The following AGBL4 variants were observed in gnomAD, a reference collection of about 807,000 sequenced individuals.
The protein encoded by AGBL4 is cytosolic carboxypeptidase 6.
In AGBL4, 58 loss-of-function variants were observed where a neutral mutation model predicts 66.4. The observed-to-expected ratio is 0.87, with a 90% confidence interval of 0.71 to 1.09. AGBL4 has a LOEUF of 1.09. AGBL4 is among the 50% of genes least tolerant of loss of function. The probability of loss-of-function intolerance (pLI) is 0.00; values close to 1 mark genes in which losing one functional copy is unlikely to be tolerated. For synonymous variants in AGBL4, 234 were observed against 222.9 expected, an observed-to-expected ratio of 1.05 and a Z score of -0.44; for missense variants, 579 against 631.0, an observed-to-expected ratio of 0.92 and a Z score of 0.88.
At chr1:49,656,753 A>C (rs1312517655) in intron 3 of AGBL4, among the ~76,000 whole-genome samples, 1 of 152,144 alleles carries the variant, frequency 6.6e-6, no homozygotes, top group African/African-American at 2.4e-5. Flanking sequence ...CAAAGACAAA[A>C]ACCACACGAT....
At chr1:49,189,162 C>A (rs1468117755) in intron 4 of AGBL4, among the ~76,000 whole-genome samples, 2 of 152,142 alleles carry the variant, frequency 1.3e-5, no homozygotes, top group Non-Finnish European at 2.9e-5. Flanking sequence ...CATTTGAGGG[C>A]AGTATGGAAT....
intron 2 of AGBL4, among the ~76,000 whole-genome samples, chr1:49,788,830 T>C (rs1417531579): frequency 4.6e-5 from 7 of 152,142 alleles, no homozygotes; most frequent in African/African-American, 2.4e-5. Context: ...AAAAAGAATA[T>C]TTTACGAAAT....
At chr1:48,823,420 C>CTTT (rs1646358082) in intron 6 of AGBL4, among the ~76,000 whole-genome samples, 1 of 152,220 alleles carries the variant, frequency 6.6e-6, no homozygotes. Flanking sequence ...TCAGCTGGGG[C>CTTT]AGACTGAGTA....
chr1:48,927,257 C>A (rs1654657881), intron 5 of AGBL4, among the ~76,000 whole-genome samples: 1 of 152,018 alleles, frequency 6.6e-6, no homozygotes, highest in African/African-American at 2.4e-5. Context: ...GCTGGGGAGG[C>A]CTCACAATCA....
At chr1:49,654,689 G>T (rs1452321261) in intron 3 of AGBL4, among the ~76,000 whole-genome samples, 1 of 152,048 alleles carries the variant, frequency 6.6e-6, no homozygotes, top group Non-Finnish European at 1.5e-5. Context: ...GGCCTTCTTT[G>T]TCTCTCTTGA....
chr1:49,193,597 T>C (rs1358814165), intron 4 of AGBL4, among the ~76,000 whole-genome samples: 1 of 151,814 alleles, frequency 6.6e-6, no homozygotes. Flanking sequence ...GCGTTATCTC[T>C]GCTCACTGCA....
intron 6 of AGBL4, among the ~76,000 whole-genome samples, chr1:48,836,413 T>C (rs1302721654): frequency 6.6e-6 from 1 of 152,124 alleles, no homozygotes; most frequent in Admixed American, 6.6e-5. Context: ...AAAGCTTTTC[T>C]TCTTTATACT....
intron 1 of AGBL4, among the ~76,000 whole-genome samples, chr1:50,005,566 A>G (rs1284730322): frequency 1.3e-5 from 2 of 152,208 alleles, no homozygotes; most frequent in Non-Finnish European, 2.9e-5. Context: ...AAAGACTACA[A>G]TAAATACCTA....
At chr1:49,324,057 A>C (rs959313803) in intron 3 of AGBL4, among the ~76,000 whole-genome samples, 2 of 152,242 alleles carry the variant, frequency 1.3e-5, no homozygotes, top group African/African-American at 4.8e-5. Flanking sequence ...ATGCTAGCTA[A>C]ACAAATTAAC....
chr1:49,577,712 A>G (rs1056128434), intron 3 of AGBL4, among the ~76,000 whole-genome samples: 1 of 152,242 alleles, frequency 6.6e-6, no homozygotes, highest in African/African-American at 2.4e-5. Context: ...GAGTGGCAGT[A>G]GGCTCAGGCT....
intron 2 of AGBL4, among the ~76,000 whole-genome samples, chr1:49,843,065 G>C (rs1646041297): frequency 6.6e-6 from 1 of 152,176 alleles, no homozygotes; most frequent in Non-Finnish European, 1.5e-5. Context: ...CATCAGGTGG[G>C]AAGAGTGGCC....
At chr1:48,850,717 A>AT (rs1454166558) in intron 6 of AGBL4, among the ~76,000 whole-genome samples, 1 of 152,096 alleles carries the variant, frequency 6.6e-6, no homozygotes, top group Non-Finnish European at 1.5e-5. Context: ...GGGTTTCACC[A>AT]TGTTGCCCAG....
intron 6 of AGBL4, among the ~76,000 whole-genome samples, chr1:48,744,901 A>T (rs1650492485): frequency 6.6e-6 from 1 of 152,172 alleles, no homozygotes; most frequent in Admixed American, 6.5e-5. Context: ...CTTGGCGCTG[A>T]ACACTACCTC....
At chr1:49,027,468 A>G (rs1346776156) in intron 5 of AGBL4, among the ~76,000 whole-genome samples, 3 of 152,072 alleles carry the variant, frequency 2.0e-5, no homozygotes, top group Non-Finnish European at 4.4e-5. Context: ...CAGCCTAAAA[A>G]TTATTTTTAA....
chr1:48,659,061 A>T (rs1178542838), intron 7 of AGBL4, among the ~76,000 whole-genome samples: 1 of 152,182 alleles, frequency 6.6e-6, no homozygotes, highest in Non-Finnish European at 1.5e-5. Context: ...TTACCAGGTG[A>T]CATCCAGTGA....
chr1:49,386,237 T>C (rs1255472909), intron 3 of AGBL4, among the ~76,000 whole-genome samples: 1 of 150,744 alleles, frequency 6.6e-6, no homozygotes, highest in East Asian at 1.9e-4. Context: ...AAAAAATGAA[T>C]ACATATATTT....
chr1:48,748,055 G>A (rs72904841), intron 6 of AGBL4, among the ~76,000 whole-genome samples: 1,989 of 152,086 alleles, frequency 0.013, 47 homozygotes, highest in African/African-American at 0.046. Context: ...TCCTAAATGC[G>A]TACAGAACAT....
chr1:49,443,362 T>C (rs1646078856), intron 3 of AGBL4, among the ~76,000 whole-genome samples: 1 of 152,104 alleles, frequency 6.6e-6, no homozygotes, highest in Admixed American at 6.5e-5. Flanking sequence ...TCCAGGAAAG[T>C]TTTCTCTAGA....
At chr1:49,841,127 T>A (rs1456235431) in intron 2 of AGBL4, among the ~76,000 whole-genome samples, 1 of 152,352 alleles carries the variant, frequency 6.6e-6, no homozygotes, top group East Asian at 1.9e-4. Flanking sequence ...CAAAGGGCTC[T>A]TAAACCTGAC....
Sources: allele counts gnomAD v4.1 joint callset (sites outside exome capture counted in the v4.1 genomes callset), GRCh38; gene constraint gnomAD v4.1.1; transcripts MANE v1.5; gene names NCBI Gene and HGNC (gene_info 2026-07-23, HGNC 2026-07-21).